Variants in BPIFB2 observed in about 807,000 individuals in gnomAD.
BPIFB2 encodes BPI fold containing family B member 2.
In BPIFB2, 39 loss-of-function variants were observed where a neutral mutation model predicts 50.1. The observed-to-expected ratio is 0.78, with a 90% confidence interval of 0.60 to 1.02. BPIFB2 has a LOEUF of 1.02. BPIFB2 is among the 50% of genes least tolerant of loss of function. The probability of loss-of-function intolerance (pLI) is 0.00; values close to 1 mark genes in which losing one functional copy is unlikely to be tolerated. For synonymous variants in BPIFB2, 280 were observed against 256.3 expected (o/e 1.09, Z -0.88); for missense variants, 574 against 585.8 (o/e 0.98, Z 0.21).
intron 9 of BPIFB2, 88 bp from the exon 10 acceptor site, chr20:33,018,974 G>C: frequency 6.3e-7 from 1 of 1,589,636 alleles, no homozygotes; most frequent in Non-Finnish European, 8.6e-7. Context: ...CGGGGGCTAT[G>C]GGGAGCGATT....
At chr20:33,022,314 G>A (rs543014408) in intron 15 of BPIFB2, among the ~76,000 whole-genome samples, 57 of 152,354 alleles carry the variant, frequency 3.7e-4, no homozygotes, top group Non-Finnish European at 8.1e-4. Context: ...ACAGAAAGCT[G>A]AACCCAGGTC....
chr20:33,015,406 C>A, intron 5 of BPIFB2, 30 bp from the exon 6 acceptor site: 1 of 1,597,368 alleles, frequency 6.3e-7, no homozygotes, highest in Non-Finnish European at 8.6e-7. Context: ...GTTTGGGAGC[C>A]CAGGAACTCT....
rs73907349 is a variant in BPIFB2 at position 33,020,907 on chromosome 20, T to A, written c.1194+320T>A. 6.5e-3 allele frequency among the ~76,000 whole-genome samples: 990 copies of A among 152,284 alleles called. 13 individuals carry two copies. Among genetic ancestry groups the A allele is most frequent in the African/African-American group, 0.023 (948 of 41,560 alleles). On this transcript the variant is annotated intron_variant, in intron 13 of 15. Transcript: ENST00000170150. ...CATCCACTTGTCAGCCGGCATGCCA[T>A]CAACATGCCCCCCTTCTACCCAGCC... is the stretch of plus-strand genomic sequence containing the variant.
rs998897308 is a variant in BPIFB2 at position 33,023,639 on chromosome 20, C to A, written c.*256C>A. On this transcript the variant is annotated 3_prime_UTR_variant, in exon 16 of 16. Coordinates refer to ENST00000170150, the MANE Select transcript of BPIFB2 (RefSeq NM_025227.3). Reference sequence around the variant, plus strand: ...TCCTCTGCCCCACCCCAGCGGGGAGCAGACTGCTCCTCCAGGCTGTATAGA... The same window carrying A: ...TCCTCTGCCCCACCCCAGCGGGGAGAAGACTGCTCCTCCAGGCTGTATAGA... The A allele has an allele frequency of 5.0e-5, 29 of 581,404 alleles. No individual in the cohort carries two copies. The highest frequency in any genetic ancestry group is 3.4e-4 in the African/African-American group (18 of 53,316). 36.0% of individuals were successfully genotyped at this position (581,404 alleles called of 1,614,324 possible). A position where few individuals can be genotyped will look rare whatever the true frequency, so the allele number is the denominator to read the frequency against.
chr20:33,020,039 C>T (rs1018074757), intron 11 of BPIFB2, among the ~76,000 whole-genome samples: 9 of 152,216 alleles, frequency 5.9e-5, no homozygotes, highest in African/African-American at 2.2e-4. Flanking sequence ...GCCTTCTCGG[C>T]ACCTCCTCTC....
At chr20:33,008,717 G>A (rs2146347915) in intron 2 of BPIFB2, 34 bp downstream of exon 2, 3 of 1,525,040 alleles carry the variant, frequency 2.0e-6, no homozygotes, top group Non-Finnish European at 2.7e-6. Flanking sequence ...GTGTCTGTGA[G>A]CCTGTACATG....
intron 5 of BPIFB2, 66 bp from the exon 6 acceptor site, chr20:33,015,370 C>T (rs1487028566): frequency 1.6e-5 from 23 of 1,447,766 alleles, no homozygotes; most frequent in Non-Finnish European, 2.1e-5. Flanking sequence ...AGACGTGCGA[C>T]TGTGCTGAGT....
intron 15 of BPIFB2, 121 bp from the exon 16 acceptor site, chr20:33,023,220 AG>A: frequency 1.0e-6 from 1 of 957,836 alleles, no homozygotes. Context: ...AGAGAGGCAA[AG>A]GACTCTCCTC....
At position 33,016,311 on chromosome 20, in the gene BPIFB2, A is replaced by G. The variant is rs570799744; in HGVS notation, c.517-731A>G. On this transcript the variant is annotated intron_variant, in intron 6 of 15. Transcript: ENST00000170150. ...CTCTTGAGAGTCCTGCGGGATGCCC[A>G]AGTGGACAGCTTAACTTTGTCTGTT... 9.2e-5 allele frequency among the ~76,000 whole-genome samples: 14 copies of G among 152,226 alleles called. No individual in the cohort carries two copies. In the East Asian group the frequency reaches 2.1e-3, roughly 23 times the overall value.
At position 33,018,572 on chromosome 20, in the gene BPIFB2, C is replaced by T. The variant is rs560749027; in HGVS notation, c.670-65C>T. On this transcript the variant is annotated intron_variant, in intron 8 of 15. Transcript: ENST00000170150. ...TGGCATCTAGGAGTCCAGGTTCTGC[C>T]ATGGAGCCACCTCCGTGCTGAGGCC... 4.7e-4 allele frequency: 706 copies of T among 1,507,078 alleles called. 2 individuals are homozygous for T. The highest frequency in any genetic ancestry group is 3.1e-3 in the Admixed American group (157 of 51,368). 93.4% of individuals were successfully genotyped at this position (1,507,078 alleles called of 1,614,324 possible).
Position 33,021,762 on chromosome 20 carries a change from A to G in BPIFB2, c.1298A>G (p.Asn433Ser), listed in dbSNP as rs553351251. 91 of 1,613,750 alleles carry G rather than the reference A, an allele frequency of 5.6e-5. No individual in the cohort carries two copies. The highest frequency in any genetic ancestry group is 4.1e-4 in the South Asian group (37 of 91,040). ...AMGIALPGVV[N>S]LHYVAPEIFV... ...GGAATTGCCCTCCCTGGTGTGGTCA[A>G]CCTCCACTATGTCGCCCCTGAGATC... The change falls in exon 15 of 16, where the codon AAC becomes AGC. Residue 433 changes from asparagine (N) to serine (S), a missense_variant. Transcript: ENST00000170150.
intron 5 of BPIFB2, among the ~76,000 whole-genome samples, chr20:33,014,907 C>G (rs962463295): frequency 5.9e-5 from 9 of 152,224 alleles, no homozygotes; most frequent in African/African-American, 1.7e-4. Context: ...CCCCAGGGAG[C>G]TGGTTCAGCA....
At chr20:33,010,828 G>A (rs1990275949) in intron 2 of BPIFB2, among the ~76,000 whole-genome samples, 196 bp from the exon 3 acceptor site, 1 of 152,158 alleles carries the variant, frequency 6.6e-6, no homozygotes, top group African/African-American at 2.4e-5. Context: ...CCCAGGTGGA[G>A]AGAGCCTGAT....
intron 6 of BPIFB2, 127 bp from the exon 7 acceptor site, chr20:33,016,915 G>T: frequency 1.2e-6 from 1 of 802,958 alleles, no homozygotes. Context: ...GGTGGAGGAA[G>T]GGATTCCAGG....
At chr20:33,016,220 C>T (rs573038951) in intron 6 of BPIFB2, among the ~76,000 whole-genome samples, 6 of 152,198 alleles carry the variant, frequency 3.9e-5, no homozygotes, top group Middle Eastern at 3.4e-3. Flanking sequence ...CCCCAGAGGG[C>T]GACTGCAACA....
chr20:33,018,125 G>T, intron 7 of BPIFB2, 134 bp from the exon 8 acceptor site: 1 of 667,080 alleles, frequency 1.5e-6, no homozygotes, highest in South Asian at 2.2e-5. Flanking sequence ...GGCTTGCTCT[G>T]CCTCTTTTGT....
intron 6 of BPIFB2, 31 bp downstream of exon 6, chr20:33,015,527 G>A: frequency 6.4e-7 from 1 of 1,569,004 alleles, no homozygotes; most frequent in Non-Finnish European, 8.7e-7. Flanking sequence ...TCAGAAAGGA[G>A]GGCATGGCTT....
At chr20:33,021,544 G>A (rs1042251724) in intron 14 of BPIFB2, among the ~76,000 whole-genome samples, 179 bp from the exon 15 acceptor site, 1 of 152,192 alleles carries the variant, frequency 6.6e-6, no homozygotes, top group Non-Finnish European at 1.5e-5. Context: ...AAGCAGCTGT[G>A]TGATCTTCAC....
chr20:33,016,695 T>C (rs115263421), intron 6 of BPIFB2, among the ~76,000 whole-genome samples: 7,705 of 152,310 alleles, frequency 0.051, 655 homozygotes, highest in African/African-American at 0.18. Context: ...TCTCACCAGC[T>C]GAGCTTCAAG....
Sources: allele counts gnomAD v4.1 joint callset (sites outside exome capture counted in the v4.1 genomes callset), GRCh38; gene constraint gnomAD v4.1.1; transcripts MANE v1.5; gene names NCBI Gene and HGNC (gene_info 2026-07-23, HGNC 2026-07-21).